THRB: variants seen among roughly 807,000 people sequenced by gnomAD.
The protein encoded by THRB is nuclear receptor subfamily 1 group A member 2.
THRB carries 12 observed loss-of-function variants against 47.8 expected under a neutral mutation model. The ratio of observed to expected loss-of-function variants is 0.25; its 90% CI spans 0.16 to 0.41. The LOEUF is 0.41. THRB is among the 10% of genes least tolerant of loss of function. The pLI is 1.00. For missense variants in THRB, 348 were observed against 589.2 expected, an observed-to-expected ratio of 0.59 and a Z score of 4.24; for synonymous variants, 218 against 212.2, an observed-to-expected ratio of 1.03 and a Z score of -0.24.
intron 3 of THRB, among the ~76,000 whole-genome samples, chr3:24,230,024 T>C (rs1212215379): frequency 6.6e-6 from 1 of 152,180 alleles, no homozygotes; most frequent in African/African-American, 2.4e-5. Flanking sequence ...GAAGATGCTG[T>C]GAGTGGAAGT....
chr3:24,416,440 T>C (rs2068738446), intron 1 of THRB, among the ~76,000 whole-genome samples: 2 of 151,922 alleles, frequency 1.3e-5, no homozygotes, highest in South Asian at 4.1e-4. Context: ...ACTTGTAGGA[T>C]GAAGTACTAA....
chr3:24,469,019 GAC>G (rs1184503939), intron 1 of THRB, among the ~76,000 whole-genome samples: 2 of 152,112 alleles, frequency 1.3e-5, no homozygotes, highest in Non-Finnish European at 2.9e-5. Flanking sequence ...AAACTCCAGT[GAC>G]ACACGCACAA....
chr3:24,241,240 G>C (rs1394162970), intron 3 of THRB, among the ~76,000 whole-genome samples: 2 of 149,200 alleles, frequency 1.3e-5, no homozygotes, highest in African/African-American at 4.8e-5. Context: ...AGCATTCTCA[G>C]TTCTCAAGGA....
At position 24,190,144 on chromosome 3, in the gene THRB, G is replaced by T. The variant is rs141495471; in HGVS notation, c.213C>A (p.Asp71Glu). 278 of 1,614,054 alleles carry T rather than the reference G, an allele frequency of 1.7e-4. No homozygotes were observed. The highest frequency in any genetic ancestry group is 6.8e-4 in the Admixed American group (41 of 60,020). ...TTWTSSIFHL[D>E]HDDVNDQSVS... is the part of the protein sequence containing the mutation. ...CACTCTGGTCGTTCACATCATCATGGTCCAGATGGAATATTGAGCTAGTCC... is the reference window on the plus strand; with the variant it reads ...CACTCTGGTCGTTCACATCATCATGTTCCAGATGGAATATTGAGCTAGTCC... The change falls in exon 5 of 11, where the codon GAC becomes GAA. Residue 71 changes from aspartate to glutamate, a missense_variant. Physicochemically the swap from Asp to Glu is conservative, Grantham distance 45. Transcript: ENST00000646209.
chr3:24,377,471 A>T (rs2149808554), intron 1 of THRB, among the ~76,000 whole-genome samples: 1 of 152,280 alleles, frequency 6.6e-6, no homozygotes, highest in African/African-American at 2.4e-5. Flanking sequence ...TGTGTGCTAC[A>T]GGAAGTGAGT....
At chr3:24,345,770 G>A (rs2062973163) in intron 1 of THRB, among the ~76,000 whole-genome samples, 1 of 152,084 alleles carries the variant, frequency 6.6e-6, no homozygotes, top group African/African-American at 2.4e-5. Flanking sequence ...TGCCCCTAGA[G>A]TTATGCTCCA....
chr3:24,285,583 TA>T (rs1286385625), intron 3 of THRB, among the ~76,000 whole-genome samples: 2,173 of 147,178 alleles, frequency 0.015, 54 homozygotes, highest in African/African-American at 0.05. Context: ...AAAGTATAAT[TA>T]AAAAAAAAAG....
chr3:24,326,976 G>T (rs1285335679), intron 2 of THRB, among the ~76,000 whole-genome samples: 2 of 151,736 alleles, frequency 1.3e-5, no homozygotes, highest in Middle Eastern at 3.4e-3. Context: ...TATTGGCCAG[G>T]CTAGTCTCAA....
chr3:24,385,504 T>A (rs1383418411), intron 1 of THRB, among the ~76,000 whole-genome samples: 1 of 152,002 alleles, frequency 6.6e-6, no homozygotes, highest in African/African-American at 2.4e-5. Context: ...TCTCTAAGTG[T>A]TGGGGAATTG....
At chr3:24,440,537 A>G (rs1369549729) in intron 1 of THRB, among the ~76,000 whole-genome samples, 1 of 152,226 alleles carries the variant, frequency 6.6e-6, no homozygotes, top group East Asian at 1.9e-4. Context: ...AAATTATAAA[A>G]TATTTGTAGT....
At chr3:24,138,584 G>A (rs2035007520) in intron 8 of THRB, among the ~76,000 whole-genome samples, 2 of 152,162 alleles carry the variant, frequency 1.3e-5, no homozygotes, top group African/African-American at 4.8e-5. Flanking sequence ...GGCAAGCATG[G>A]AACCTTGGCT....
intron 9 of THRB, 78 bp downstream of exon 9, chr3:24,133,238 G>T: frequency 6.6e-7 from 1 of 1,517,914 alleles, no homozygotes; most frequent in Non-Finnish European, 9.1e-7. Flanking sequence ...ACATTAAATT[G>T]TAAATAATAC....
chr3:24,381,261 G>A (rs991950475), intron 1 of THRB, among the ~76,000 whole-genome samples: 13 of 152,102 alleles, frequency 8.5e-5, no homozygotes, highest in African/African-American at 2.4e-4. Context: ...GCCAAGGAAC[G>A]GGAGATATGA....
intron 5 of THRB, among the ~76,000 whole-genome samples, chr3:24,186,903 C>A (rs56980423): frequency 0.022 from 3,155 of 144,702 alleles, 123 homozygotes; most frequent in African/African-American, 0.078. Context: ...CGAGATTGCG[C>A]CACTGCACTC....
At chr3:24,368,809 A>G (rs1455162733) in intron 1 of THRB, among the ~76,000 whole-genome samples, 2 of 152,184 alleles carry the variant, frequency 1.3e-5, no homozygotes, top group Non-Finnish European at 2.9e-5. Flanking sequence ...CACTTTGAAT[A>G]TGTTATAATG....
chr3:24,390,797 A>AAAAAAAAT (rs5847290), intron 1 of THRB, among the ~76,000 whole-genome samples: 11 of 137,862 alleles, frequency 8.0e-5, no homozygotes, highest in African/African-American at 3.0e-4. Context: ...AAAAAAAAAA[A>AAAAAAAAT]ATATATATAT....
At chr3:24,331,278 A>C (rs977047931) in intron 2 of THRB, among the ~76,000 whole-genome samples, 2 of 152,206 alleles carry the variant, frequency 1.3e-5, no homozygotes, top group African/African-American at 2.4e-5. Flanking sequence ...TAAAGACAAA[A>C]AGAAAGAAAA....
chr3:24,390,797 A>AAAAAATATAT (rs5847290), intron 1 of THRB, among the ~76,000 whole-genome samples: 22 of 137,852 alleles, frequency 1.6e-4, no homozygotes, highest in Middle Eastern at 3.7e-3. Context: ...AAAAAAAAAA[A>AAAAAATATAT]ATATATATAT....
chr3:24,472,377 A>G (rs1694831375), intron 1 of THRB, among the ~76,000 whole-genome samples: 1 of 152,184 alleles, frequency 6.6e-6, no homozygotes, highest in Non-Finnish European at 1.5e-5. Context: ...AACATCTTGA[A>G]ACATCTATAG....
Sources: gnomAD v4.1 joint callset for allele counts (sites outside exome capture counted in the v4.1 genomes callset) on GRCh38, gnomAD v4.1.1 for gene constraint, MANE v1.5 for transcripts, NCBI Gene and HGNC (gene_info 2026-07-23, HGNC 2026-07-21) for gene names.